The following PLOD3 variants were observed in gnomAD, a reference collection of about 807,000 sequenced individuals.
PLOD3 encodes the protein multifunctional procollagen lysine hydroxylase and glycosyltransferase LH3.
PLOD3 carries 73 observed loss-of-function variants against 96.9 expected under a neutral mutation model. That is an observed-to-expected ratio of 0.75 (90% confidence interval 0.62 to 0.92). The LOEUF (loss-of-function observed/expected upper bound fraction) is 0.92. Among genes scored for constraint, PLOD3 ranks in the 40% least tolerant of loss-of-function variants. The probability of loss-of-function intolerance (pLI) is 0.00; values close to 1 mark genes in which losing one functional copy is unlikely to be tolerated. For synonymous variants in PLOD3, 454 were observed against 413.7 expected, an observed-to-expected ratio of 1.10 and a Z score of -1.18; for missense variants, 1,004 against 1,004.3, an observed-to-expected ratio of 1.00 and a Z score of 0.00.
intron 12 of PLOD3, 22 bp from the exon 13 acceptor site, chr7:101,210,695 T>C (rs775246560): frequency 6.2e-7 from 1 of 1,612,800 alleles, no homozygotes; most frequent in Admixed American, 1.7e-5. Context: ...GACACCGCGG[T>C]CAGCTGGGAG....
At position 101,216,435 on chromosome 7, in the gene PLOD3, C is replaced by T. The variant is rs750298633; in HGVS notation, c.313G>A (p.Asp105Asn). 29 of 1,614,056 alleles carry T rather than the reference C, an allele frequency of 1.8e-5. No homozygotes were observed. Among genetic ancestry groups the T allele is most frequent in the African/African-American group, 1.3e-4 (10 of 74,926 alleles). ...CTATCCACAAACATGATGATCATAT[C>T]CTCCCGGTCAGCGTATTTCTCCATT... ...KEMEKYADRE[D>N]MIIMFVDSYD... The change falls in exon 3 of 19, where the codon GAT (aspartate) becomes AAT (asparagine). Residue 105 changes from aspartate (D) to asparagine (N), a missense_variant. Coordinates refer to ENST00000223127, the MANE Select transcript of PLOD3 (RefSeq NM_001084.5).
Position 101,212,947 on chromosome 7 carries a change from T to C in PLOD3, c.778-4A>G, listed in dbSNP as rs1798210281. 3.1e-6 allele frequency: 5 copies of C among 1,608,380 alleles called. No homozygotes were observed. The highest frequency in any genetic ancestry group is 1.3e-5 in the African/African-American group (1 of 74,700). On this transcript the variant is annotated splice_polypyrimidine_tract_variant and splice_region_variant and intron_variant, in intron 7 of 18. Transcript: ENST00000223127. ...TTCCCAGGTAGTTGAGCTGCAGCTG[T>C]TGGGGACAGACTGAGGCTGAGTGGC...
At position 101,208,841 on chromosome 7, in the gene PLOD3, C is replaced by T. The variant is rs376776664; in HGVS notation, c.1788+12G>A. ...CTGGGAAGGCCTCTGCCCTCCTCGCCCAGGCCCTTACCTCATGCCGGCCGC... is the reference window on the plus strand; with the variant it reads ...CTGGGAAGGCCTCTGCCCTCCTCGCTCAGGCCCTTACCTCATGCCGGCCGC... On this transcript the variant is annotated intron_variant, in intron 16 of 18. Transcript: ENST00000223127. 6.4e-7 allele frequency: 1 copy of T among 1,565,722 alleles called. No homozygotes were observed. Among genetic ancestry groups the T allele is most frequent in the Non-Finnish European group, 8.8e-7 (1 of 1,136,056 alleles).
At position 101,208,919 on chromosome 7, in the gene PLOD3, T is replaced by A. The variant is rs372579198; in HGVS notation, c.1722A>T (p.Glu574Asp). The stretch of plus-strand genomic sequence containing the variant: ...CTGCCACCAGCTCATCACACATTTG[T>A]TCTGACAGCAGTGGGAACCAGTACA... ...PDVYWFPLLS[E>D]QMCDELVAEM... is the part of the protein sequence containing the mutation. Residue 574 changes from glutamate to aspartate, a missense_variant, in exon 16 of 19, where the codon GAA (glutamate) becomes GAT (aspartate). Physicochemically the swap from Glu to Asp is conservative, Grantham distance 45. This residue lies in a region of PLOD3 where 4 missense variants were observed against 19.1 expected (regional missense o/e 0.21). Transcript: ENST00000223127. 3 of 1,613,844 alleles carry A rather than the reference T, an allele frequency of 1.9e-6. No homozygotes were observed. The African/African-American group carries it at 4.0e-5, about 22-fold the overall frequency.
chr7:101,208,451 G>T, intron 16 of PLOD3: 1 of 334,376 alleles, frequency 3.0e-6, no homozygotes, highest in South Asian at 2.4e-5. Flanking sequence ...ATGTTGGTCA[G>T]GCTGGTCTCG....
intron 1 of PLOD3, 41 bp from the exon 2 acceptor site, chr7:101,216,827 G>C: frequency 7.3e-7 from 1 of 1,368,620 alleles, no homozygotes; most frequent in Non-Finnish European, 1.0e-6. Context: ...CCACCGCCCA[G>C]CTCCGGGCCT....
At chr7:101,207,502 GGGGTCTGCGT>G in intron 17 of PLOD3, 66 bp downstream of exon 17, 4 of 1,479,490 alleles carry the variant, frequency 2.7e-6, no homozygotes, top group Non-Finnish European at 2.8e-6. Context: ...GGGGCCGAAA[GGGGTCTGCGT>G]GGAGACTTCC....
rs1798084294 is a variant in PLOD3 at position 101,206,406 on chromosome 7, A to G, written c.2092T>C (p.Cys698Arg). ...GGGCRFLRYD[C>R]VISSPRKGWA... ...CCCTTCCTCGGGGAGGAGATCACACAGTCGTAGCGCAGGAAGCGGCAGCCA... is the reference window on the plus strand; with the variant it reads ...CCCTTCCTCGGGGAGGAGATCACACGGTCGTAGCGCAGGAAGCGGCAGCCA... The change falls in exon 19 of 19, where the codon TGT becomes CGT. Residue 698 changes from cysteine to arginine, a missense_variant. Transcript: ENST00000223127. 6.2e-7 allele frequency: 1 copy of G among 1,613,072 alleles called. No homozygotes were observed. The highest frequency in any genetic ancestry group is 8.5e-7 in the Non-Finnish European group (1 of 1,179,622).
At position 101,215,983 on chromosome 7, in the gene PLOD3, C is replaced by T; in HGVS notation, c.540G>A (p.Val180=). Residue 180 remains valine (V), a synonymous_variant, in exon 5 of 19, where the codon GTG becomes GTA. Coordinates refer to ENST00000223127, the MANE Select transcript of PLOD3 (RefSeq NM_001084.5). The part of the protein sequence containing the change: ...IGFATTIHQI[V]RQWKYKDDDD... ...CATCATCCTTGTACTTCCACTGGCG[C>T]ACGATTTGGTGGATGGTGGTGGCAA... 4 of 1,614,116 alleles carry T rather than the reference C, an allele frequency of 2.5e-6. No homozygotes were observed. The highest frequency in any genetic ancestry group is 3.4e-6 in the Non-Finnish European group (4 of 1,180,016).
intron 2 of PLOD3, 46 bp from the exon 3 acceptor site, chr7:101,216,592 G>T (rs749031016): frequency 3.7e-6 from 6 of 1,612,502 alleles, no homozygotes; most frequent in Non-Finnish European, 5.1e-6. Flanking sequence ...GGGGAGTTGT[G>T]GGGGGAACTC....
At chr7:101,206,739 C>G in intron 18 of PLOD3, 40 bp downstream of exon 18, 1 of 1,566,676 alleles carries the variant, frequency 6.4e-7, no homozygotes, top group South Asian at 1.2e-5. Flanking sequence ...CCCGAGGGTC[C>G]TGAGGTGAAG....
In PLOD3 at chr7:101,215,981, C is replaced by T. The variant is rs764596991; in HGVS notation, c.542G>A (p.Arg181His). The T allele has an allele frequency of 2.6e-5, 42 of 1,614,100 alleles. No individual in the cohort carries two copies. The highest frequency in any genetic ancestry group is 3.0e-5 in the Non-Finnish European group (35 of 1,179,986). ...GTCATCATCCTTGTACTTCCACTGG[C>T]GCACGATTTGGTGGATGGTGGTGGC... is the stretch of plus-strand genomic sequence containing the variant. ...GFATTIHQIV[R>H]QWKYKDDDDD... is the part of the protein sequence containing the mutation. The change falls in exon 5 of 19, where the codon CGC becomes CAC. Residue 181 changes from arginine to histidine, a missense_variant. Physicochemically the swap from Arg to His is conservative, Grantham distance 29. This residue lies in a region of PLOD3 where 690 missense variants were observed against 650.2 expected (regional missense o/e 1.06). Coordinates refer to ENST00000223127, the MANE Select transcript of PLOD3 (RefSeq NM_001084.5).
At chr7:101,211,554 C>T (rs375666732) in intron 12 of PLOD3, 37 bp downstream of exon 12, 28 of 1,584,102 alleles carry the variant, frequency 1.8e-5, no homozygotes, top group East Asian at 4.6e-5. Context: ...GGCCCCGGGT[C>T]GGAGGAGGCG....
chr7:101,212,254 T>G lies in PLOD3; in HGVS notation c.1126A>C (p.Met376Leu), dbSNP rs1798194628. The change falls in exon 10 of 19, where the codon ATG becomes CTG. Residue 376 changes from methionine to leucine, a missense_variant and splice_region_variant. By Grantham distance (15) the Met-to-Leu change is conservative. Transcript: ENST00000223127. ...TCCTCCCCGCAAGCACCCGCTCACATGGCCATGTCCCTGGCCTCGCCTGGG... is the reference window on the plus strand; with the variant it reads ...TCCTCCCCGCAAGCACCCGCTCACAGGGCCATGTCCCTGGCCTCGCCTGGG... ...LSPGEARDMA[M>L]DLCRQDPECE... 1 of 1,612,518 alleles carries G rather than the reference T, an allele frequency of 6.2e-7. No individual in the cohort carries two copies. The highest frequency in any genetic ancestry group is 1.7e-5 in the Admixed American group (1 of 59,990).
At chr7:101,212,689 A>T in intron 8 of PLOD3, 34 bp from the exon 9 acceptor site, 1 of 1,612,346 alleles carries the variant, frequency 6.2e-7, no homozygotes, top group Non-Finnish European at 8.5e-7. Context: ...CTCAGAGAGA[A>T]GCCCGGACTT....
chr7:101,214,168 C>T (rs1798231798), intron 6 of PLOD3, among the ~76,000 whole-genome samples: 1 of 151,122 alleles, frequency 6.6e-6, no homozygotes, highest in South Asian at 2.1e-4. Context: ...ACTCTGTCAC[C>T]CAGGCAGGAG....
chr7:101,210,731 T>C, intron 12 of PLOD3, 58 bp from the exon 13 acceptor site: 1 of 1,602,350 alleles, frequency 6.2e-7, no homozygotes. Flanking sequence ...TCTGCCCAGC[T>C]CATCCCGGGA....
intron 12 of PLOD3, 47 bp from the exon 13 acceptor site, chr7:101,210,720 T>C: frequency 6.2e-7 from 1 of 1,609,758 alleles, no homozygotes; most frequent in Admixed American, 1.7e-5. Context: ...GCCCCCCAAA[T>C]TCTGCCCAGC....
rs1798079360 is a variant in PLOD3, at chr7:101,206,203, T to A, written c.*78A>T. The A allele has an allele frequency of 7.2e-7, 1 of 1,388,704 alleles. No individual in the cohort carries two copies. Among genetic ancestry groups the A allele is most frequent in the Admixed American group, 1.7e-5 (1 of 59,668 alleles). The allele number at this position is 1,388,704 out of a possible 1,614,324, so 86.0% of individuals were successfully genotyped here. A position where few individuals can be genotyped will look rare whatever the true frequency, so the allele number is the denominator to read the frequency against. On this transcript the variant is annotated 3_prime_UTR_variant, in exon 19 of 19. Transcript: ENST00000223127. ...GGAAGTGGGGAGACAGAGAGACCCA[T>A]CCCCCAACTCCCAGGACGGGGGCCA...
Sources: allele counts gnomAD v4.1 joint callset (sites outside exome capture counted in the v4.1 genomes callset), GRCh38; gene constraint gnomAD v4.1.1; regional missense constraint gnomAD v4.1.1; transcripts MANE v1.5; gene names NCBI Gene and HGNC (gene_info 2026-07-23, HGNC 2026-07-21).